The following KIF3C variants were observed in gnomAD, a reference collection of about 807,000 sequenced individuals.
KIF3C encodes kinesin-like protein KIF3C.
In KIF3C, 12 loss-of-function variants were observed where a neutral mutation model predicts 67.7. The observed-to-expected ratio is 0.18, with a 90% confidence interval of 0.11 to 0.29. The LOEUF (loss-of-function observed/expected upper bound fraction) is 0.29. Among genes scored for constraint, KIF3C ranks in the 10% least tolerant of loss-of-function variants. The pLI is 1.00. For synonymous variants in KIF3C, 393 were observed against 426.2 expected, an observed-to-expected ratio of 0.92 and a Z score of 0.96; for missense variants, 789 against 1,059.6, an observed-to-expected ratio of 0.74 and a Z score of 3.55.
At position 25,928,968 on chromosome 2, in the gene KIF3C, G is replaced by C. The variant is rs751472004; in HGVS notation, c.*10C>G. 21 of 1,610,838 alleles carry C rather than the reference G, an allele frequency of 1.3e-5. No individual in the cohort carries two copies. The highest frequency in any genetic ancestry group is 1.7e-5 in the Non-Finnish European group (20 of 1,178,608). On this transcript the variant is annotated 3_prime_UTR_variant, in exon 8 of 8. Coordinates refer to ENST00000264712, the MANE Select transcript of KIF3C (RefSeq NM_002254.8). ...GAGTCTATTGGATGGGCAGCCTGAC[G>C]TGATGGTTGTCACTCATGGTCCGCC...
In KIF3C at chr2:25,981,436, G is replaced by C. The variant is rs762225018; in HGVS notation, c.482C>G (p.Pro161Arg). The change falls in exon 1 of 8, where the codon CCG (proline) becomes CGG (arginine). Residue 161 changes from proline (P) to arginine (R), a missense_variant. Pro to Arg is a moderately radical substitution (Grantham distance 103). This residue lies in a region of KIF3C where 141 missense variants were observed against 251.8 expected (regional missense o/e 0.56). Coordinates refer to ENST00000264712, the MANE Select transcript of KIF3C (RefSeq NM_002254.8). This position sits in a 1 kb window ranked among gnomAD's most constrained non-coding sequence, Gnocchi z 8.2. Reference sequence around the variant, plus strand: ...CTCTTTCAGCTCTAGCCTCTTGCCCGGCTCCTTGGAGAGCAGGTCTCGAAT... The same window carrying C: ...CTCTTTCAGCTCTAGCCTCTTGCCCCGCTCCTTGGAGAGCAGGTCTCGAAT... ...EEIRDLLSKEPGKRLELKENP... is the reference protein window; with the variant it reads ...EEIRDLLSKERGKRLELKENP... The C allele has an allele frequency of 9.9e-6, 16 of 1,613,996 alleles. No homozygotes were observed. The highest frequency in any genetic ancestry group is 1.3e-5 in the Non-Finnish European group (15 of 1,180,020).
intron 1 of KIF3C, among the ~76,000 whole-genome samples, chr2:25,964,659 G>C (rs1664096382): frequency 6.6e-6 from 1 of 152,120 alleles, no homozygotes; most frequent in African/African-American, 2.4e-5. Context: ...CAAGTGAAGA[G>C]ATGGACCTCA....
At chr2:25,935,990 G>A (rs2149223228) in intron 5 of KIF3C, among the ~76,000 whole-genome samples, 1 of 151,904 alleles carries the variant, frequency 6.6e-6, no homozygotes, top group Admixed American at 6.6e-5. Context: ...GGGAGGCTGA[G>A]ACTGGAGAAT....
At chr2:25,937,025 C>T (rs1054498638) in intron 5 of KIF3C, among the ~76,000 whole-genome samples, 2 of 152,196 alleles carry the variant, frequency 1.3e-5, no homozygotes, top group Admixed American at 6.5e-5. Context: ...CCCTATCATA[C>T]AGAATTTCTG....
At position 25,982,062 on chromosome 2, in the gene KIF3C, G is replaced by T; in HGVS notation, c.-145C>A. On this transcript the variant is annotated 5_prime_UTR_variant, in exon 1 of 8. Transcript: ENST00000264712. The stretch of plus-strand genomic sequence containing the variant: ...GCATGCAGCCTCCTAGGGTGGGGAC[G>T]CTGGGAGGTGGCCCCAACGCTGCTG... 1.6e-6 allele frequency: 1 copy of T among 621,032 alleles called. No homozygotes were observed. The highest frequency in any genetic ancestry group is 1.9e-5 in the African/African-American group (1 of 54,018). 38.5% of individuals were successfully genotyped at this position (621,032 alleles called of 1,614,324 possible). A position where few individuals can be genotyped will look rare whatever the true frequency, so the allele number is the denominator to read the frequency against.
In KIF3C at chr2:25,952,065, G is replaced by A. The variant is rs1048522943; in HGVS notation, c.1890-160C>T. 12 of 579,526 alleles carry A rather than the reference G, an allele frequency of 2.1e-5. No homozygotes were observed. The Admixed American group carries it at 3.1e-4, about 15-fold the overall frequency. The allele number at this position is 579,526 out of a possible 1,614,324, so 35.9% of individuals were successfully genotyped here. ...CCAGCACTTTGGGAGACCAAGGCGG[G>A]CGGATCACGAGGTCAGGAGATCAAG... On this transcript the variant is annotated intron_variant, in intron 4 of 7. Coordinates refer to ENST00000264712, the MANE Select transcript of KIF3C (RefSeq NM_002254.8).
intron 5 of KIF3C, among the ~76,000 whole-genome samples, chr2:25,944,771 A>C (rs940221771): frequency 2.0e-5 from 3 of 152,206 alleles, no homozygotes; most frequent in African/African-American, 7.2e-5. Flanking sequence ...TTAAGTTATG[A>C]ATATACTTAA....
At chr2:25,937,750 T>G (rs1372287190) in intron 5 of KIF3C, among the ~76,000 whole-genome samples, 3 of 152,050 alleles carry the variant, frequency 2.0e-5, no homozygotes, top group African/African-American at 7.2e-5. Context: ...TCCCATATAC[T>G]CCTTTTAAAA....
chr2:25,977,426 G>A (rs1279790128), intron 1 of KIF3C, among the ~76,000 whole-genome samples: 6 of 152,170 alleles, frequency 3.9e-5, no homozygotes, highest in African/African-American at 1.4e-4. Flanking sequence ...CTCAGAAAGG[G>A]GGGACAGGAG....
At chr2:25,929,202 C>G in intron 7 of KIF3C, 103 bp downstream of exon 7, 1 of 1,454,748 alleles carries the variant, frequency 6.9e-7, no homozygotes, top group Non-Finnish European at 9.5e-7. Flanking sequence ...CCTTGCCCTT[C>G]CTGCCCTTCG....
chr2:25,942,363 TA>T (rs1361522659), intron 5 of KIF3C, among the ~76,000 whole-genome samples: 1 of 151,528 alleles, frequency 6.6e-6, no homozygotes, highest in African/African-American at 2.4e-5. Context: ...AAACTAAAAA[TA>T]AAAGGTTGTA....
chr2:25,950,251 C>T (rs1663561733), intron 5 of KIF3C, among the ~76,000 whole-genome samples: 2 of 148,804 alleles, frequency 1.3e-5, no homozygotes, highest in South Asian at 4.2e-4. Flanking sequence ...GAGTCTTGCT[C>T]TTGTTGCCCA....
chr2:25,980,825 T>C lies in KIF3C; in HGVS notation c.1093A>G (p.Ile365Val). 6.2e-7 allele frequency: 1 copy of C among 1,614,196 alleles called. No homozygotes were observed. The highest frequency in any genetic ancestry group is 8.5e-7 in the Non-Finnish European group (1 of 1,180,040). ...TLRFANRAKN[I>V]KNKPRVNEDP... ...TCGTTCACCCGGGGCTTGTTCTTGA[T>C]GTTCTTGGCTCGGTTGGCAAAGCGC... Residue 365 changes from isoleucine (I) to valine (V), a missense_variant, in exon 1 of 8, where the codon ATC (isoleucine) becomes GTC (valine). Physicochemically the swap from Ile to Val is conservative, Grantham distance 29. Transcript: ENST00000264712. The surrounding 1 kb of genome is among the most constrained non-coding windows in gnomAD (Gnocchi z 7.6).
chr2:25,978,845 G>A (rs1444163184), intron 1 of KIF3C, among the ~76,000 whole-genome samples: 2 of 151,894 alleles, frequency 1.3e-5, no homozygotes, highest in African/African-American at 2.4e-5. Flanking sequence ...TCAATCTAAC[G>A]GCCCTGCCTC....
rs1664619204 is a variant in KIF3C at position 25,982,177 on chromosome 2, C to T, written c.-260G>A. The T allele has an allele frequency of 1.1e-5, 5 of 445,618 alleles. No homozygotes were observed. The highest frequency in any genetic ancestry group is 2.0e-5 in the Non-Finnish European group (5 of 253,630). The allele number at this position is 445,618 out of a possible 1,614,324, so 27.6% of individuals were successfully genotyped here. On this transcript the variant is annotated 5_prime_UTR_variant, in exon 1 of 8. Transcript: ENST00000264712. Reference sequence around the variant, plus strand: ...CCCCCAGTCGCCGCGGGAGCAGCGCCTGCCGAGCAGCCGTGCCCGGAGCCC... The same window carrying T: ...CCCCCAGTCGCCGCGGGAGCAGCGCTTGCCGAGCAGCCGTGCCCGGAGCCC...
At chr2:25,963,020 A>ATATATAATATATAATATATAATATATAAT (rs1242526812) in intron 1 of KIF3C, among the ~76,000 whole-genome samples, 4 of 31,528 alleles carry the variant, frequency 1.3e-4, no homozygotes, top group Admixed American at 7.5e-4. Flanking sequence ...TAATATATAT[A>ATATATAATATATAATATATAATATATAAT]ATATATAATA....
At chr2:25,957,793 C>A (rs952944950) in intron 1 of KIF3C, among the ~76,000 whole-genome samples, 3 of 152,194 alleles carry the variant, frequency 2.0e-5, no homozygotes, top group African/African-American at 7.2e-5. Context: ...GCAAGTTGGG[C>A]CCGCCAGAGA....
chr2:25,949,893 C>A (rs543511363), intron 5 of KIF3C, among the ~76,000 whole-genome samples: 75 of 150,868 alleles, frequency 5.0e-4, no homozygotes, highest in African/African-American at 1.7e-3. Context: ...ATCGTTTGAA[C>A]CCAGGAAGCG....
At position 25,929,385 on chromosome 2, in the gene KIF3C, C is replaced by T. The variant is rs376854718; in HGVS notation, c.2208G>A (p.Ala736=). The T allele has an allele frequency of 4.4e-5, 71 of 1,613,964 alleles. No homozygotes were observed. The highest frequency in any genetic ancestry group is 5.3e-5 in the Non-Finnish European group (63 of 1,179,988). The part of the protein sequence containing the change: ...FSHDQEQDPR[A]LHMERLMRLD... Reference sequence around the variant, plus strand: ...ATCGCATGAGCCTCTCCATGTGTAGCGCACGAGGGTCTTGTTCTTGGTCGT... The same window carrying T: ...ATCGCATGAGCCTCTCCATGTGTAGTGCACGAGGGTCTTGTTCTTGGTCGT... Residue 736 remains alanine, a synonymous_variant, in exon 7 of 8, where the codon GCG becomes GCA. Coordinates refer to ENST00000264712, the MANE Select transcript of KIF3C (RefSeq NM_002254.8).
Sources: gnomAD v4.1 joint callset for allele counts (sites outside exome capture counted in the v4.1 genomes callset) on GRCh38, gnomAD v4.1.1 for gene constraint, gnomAD v4.1.1 regional missense constraint, Gnocchi (gnomAD v3.1) non-coding constraint, MANE v1.5 for transcripts, NCBI Gene and HGNC (gene_info 2026-07-23, HGNC 2026-07-21) for gene names.